ITPR2: variants seen among roughly 807,000 people sequenced by gnomAD.
ITPR2 encodes the protein inositol 1,4,5-trisphosphate-gated calcium channel ITPR2.
A neutral mutation model predicts 317.1 loss-of-function variants in ITPR2; 207 were observed. The ratio of observed to expected loss-of-function variants is 0.65; its 90% confidence interval spans 0.58 to 0.73. The LOEUF (loss-of-function observed/expected upper bound fraction) is 0.73, where lower values mean the gene tolerates loss of function less well. Among genes scored for constraint, ITPR2 ranks in the 30% least tolerant of loss-of-function variants. The pLI is 0.00. For missense variants in ITPR2, 2,613 were observed against 3,284.0 expected (o/e 0.80, Z 4.99); for synonymous variants, 1,156 against 1,149.1 (o/e 1.01, Z -0.12).
chr12:26,474,919 C>T (rs572098876), intron 45 of ITPR2, among the ~76,000 whole-genome samples: 6 of 152,216 alleles, frequency 3.9e-5, no homozygotes, highest in Admixed American at 6.5e-5. Flanking sequence ...AACTACCTGC[C>T]GAATTTGTCC....
rs116597719 is a variant in ITPR2, at chr12:26,717,498, C to T, written c.526-1256G>A. Among the ~76,000 whole-genome samples, 772 of 152,300 alleles carry T rather than the reference C, an allele frequency of 5.1e-3. 11 individuals are homozygous for T. Among genetic ancestry groups the T allele is most frequent in the African/African-American group, 0.018 (745 of 41,568 alleles). On this transcript the variant is annotated intron_variant, in intron 5 of 56. Transcript: ENST00000381340. ...GAAACAACTCCTGCTGTTTACAGGA[C>T]TGGTCTCTACTCATCACGTCCATAA...
intron 55 of ITPR2, among the ~76,000 whole-genome samples, chr12:26,387,180 T>C (rs1052094844): frequency 6.6e-6 from 1 of 152,188 alleles, no homozygotes; most frequent in Non-Finnish European, 1.5e-5. Flanking sequence ...GAGATGGTGC[T>C]AGTCATTGCA....
At chr12:26,450,405 G>A (rs1188955854) in intron 45 of ITPR2, among the ~76,000 whole-genome samples, 25 of 151,866 alleles carry the variant, frequency 1.6e-4, no homozygotes, top group Admixed American at 1.6e-3. Flanking sequence ...TTTGGGCATG[G>A]TGCCATCTGT....
In ITPR2 at chr12:26,663,841, A is replaced by C; in HGVS notation, c.1557T>G (p.Phe519Leu). 6.2e-7 allele frequency: 1 copy of C among 1,607,750 alleles called. No individual in the cohort carries two copies. Among genetic ancestry groups the C allele is most frequent in the South Asian group, 1.1e-5 (1 of 89,546 alleles). Reference protein sequence around the residue: ...MREQNILAQVFGILKAPFKEK... With the variant: ...MREQNILAQVLGILKAPFKEK... ...CTTTAAAGGGTGCTTTAAGAATTCCAAATACCTATCAGGAATAAAAACAGC... is the reference window on the plus strand; with the variant it reads ...CTTTAAAGGGTGCTTTAAGAATTCCCAATACCTATCAGGAATAAAAACAGC... The change falls in exon 15 of 57, where the codon TTT becomes TTG. Residue 519 changes from phenylalanine (F) to leucine (L), a missense_variant. Physicochemically the swap from Phe to Leu is conservative, Grantham distance 22 (BLOSUM62 0). Coordinates refer to ENST00000381340, the MANE Select transcript of ITPR2 (RefSeq NM_002223.4).
At position 26,340,330 on chromosome 12, in the gene ITPR2, T is replaced by C; in HGVS notation, c.7858-2A>G. 2 of 1,594,842 alleles carry C rather than the reference T, an allele frequency of 1.3e-6. No individual in the cohort carries two copies. The highest frequency in any genetic ancestry group is 1.7e-6 in the Non-Finnish European group (2 of 1,170,354). On this transcript the variant is annotated splice_acceptor_variant, in intron 55 of 56. Transcript: ENST00000381340. LOFTEE classifies it high-confidence loss of function. Reference sequence around the variant, plus strand: ...AGGAAACCAATCCAAATTCTTCTCCTGAAAGCAAATAAATGTGTGCGAACA... The same window carrying C: ...AGGAAACCAATCCAAATTCTTCTCCCGAAAGCAAATAAATGTGTGCGAACA...
chr12:26,602,213 T>C (rs1046022206), intron 28 of ITPR2, among the ~76,000 whole-genome samples, 157 bp downstream of exon 28: 4 of 152,120 alleles, frequency 2.6e-5, no homozygotes, highest in Non-Finnish European at 1.5e-5. Context: ...CCCTTGTTTG[T>C]AGAAAACATA....
intron 13 of ITPR2, among the ~76,000 whole-genome samples, chr12:26,675,501 A>C (rs1006777159): frequency 7.3e-5 from 11 of 151,406 alleles, no homozygotes; most frequent in Non-Finnish European, 1.0e-4. Context: ...AACAATAAGA[A>C]CATATGTTCA....
At chr12:26,482,301 T>G (rs1297536308) in intron 42 of ITPR2, among the ~76,000 whole-genome samples, 1 of 152,234 alleles carries the variant, frequency 6.6e-6, no homozygotes, top group East Asian at 1.9e-4. Flanking sequence ...CCACACATTT[T>G]CAGAGCAATG....
intron 34 of ITPR2, among the ~76,000 whole-genome samples, chr12:26,576,188 A>AT (rs1431568425): frequency 6.6e-6 from 1 of 152,180 alleles, no homozygotes; most frequent in Non-Finnish European, 1.5e-5. Context: ...ATAAAAATAC[A>AT]TTTACTGCTG....
chr12:26,476,258 G>C (rs1408474396), intron 44 of ITPR2, among the ~76,000 whole-genome samples: 1 of 152,208 alleles, frequency 6.6e-6, no homozygotes, highest in East Asian at 1.9e-4. Context: ...CAATGGCCCT[G>C]ATGTGAGTGG....
intron 26 of ITPR2, among the ~76,000 whole-genome samples, chr12:26,605,126 A>AAAAAAAAAAATATATATATATAT (rs1555165395): frequency 1.5e-5 from 2 of 136,310 alleles, no homozygotes; most frequent in African/African-American, 5.3e-5. Flanking sequence ...AAAAAATAAA[A>AAAAAAAAAAATATATATATATAT]ATATATATAT....
chr12:26,353,286 CATG>C (rs1186253629), intron 55 of ITPR2, among the ~76,000 whole-genome samples: 1 of 152,182 alleles, frequency 6.6e-6, no homozygotes, highest in Non-Finnish European at 1.5e-5. Flanking sequence ...AGTCCTCGAT[CATG>C]ATAATGAAAA....
chr12:26,387,982 A>T (rs1939714177), intron 54 of ITPR2, among the ~76,000 whole-genome samples: 1 of 152,024 alleles, frequency 6.6e-6, no homozygotes, highest in African/African-American at 2.4e-5. Flanking sequence ...GAAAAAAAAA[A>T]TGTCATTTTA....
At chr12:26,546,832 T>C (rs1031700480) in intron 37 of ITPR2, among the ~76,000 whole-genome samples, 2 of 152,052 alleles carry the variant, frequency 1.3e-5, no homozygotes, top group African/African-American at 2.4e-5. Context: ...TAAATGACAC[T>C]GGGAAAATTG....
chr12:26,427,184 CAT>C (rs1369060953), intron 49 of ITPR2, among the ~76,000 whole-genome samples: 2 of 152,084 alleles, frequency 1.3e-5, no homozygotes, highest in Non-Finnish European at 2.9e-5. Flanking sequence ...GTATTCAACA[CAT>C]AGATCAGCAA....
At chr12:26,739,146 G>C (rs1326621551) in intron 2 of ITPR2, among the ~76,000 whole-genome samples, 1 of 152,200 alleles carries the variant, frequency 6.6e-6, no homozygotes, top group African/African-American at 2.4e-5. Flanking sequence ...CAATTAAAAA[G>C]AATGACAATG....
intron 1 of ITPR2, among the ~76,000 whole-genome samples, chr12:26,828,519 G>A (rs1218675400): frequency 3.3e-5 from 5 of 152,180 alleles, no homozygotes; most frequent in East Asian, 3.8e-4. Context: ...AAACTGCAAT[G>A]TCACAGACAG....
At chr12:26,625,422 TCAAA>T (rs1946600950) in intron 23 of ITPR2, among the ~76,000 whole-genome samples, 1 of 152,014 alleles carries the variant, frequency 6.6e-6, no homozygotes, top group Non-Finnish European at 1.5e-5. Flanking sequence ...TATACCTGCA[TCAAA>T]ATACTCCATA....
intron 26 of ITPR2, among the ~76,000 whole-genome samples, chr12:26,610,774 T>C (rs1355847818): frequency 1.3e-5 from 2 of 152,186 alleles, no homozygotes; most frequent in African/African-American, 4.8e-5. Flanking sequence ...GCATCCCTCA[T>C]GCCCAGTGGG....
Sources: gnomAD v4.1 joint callset for allele counts (sites outside exome capture counted in the v4.1 genomes callset) on GRCh38, gnomAD v4.1.1 for gene constraint, MANE v1.5 for transcripts, NCBI Gene and HGNC (gene_info 2026-07-23, HGNC 2026-07-21) for gene names.